Variants in INPP5D observed in about 807,000 individuals in gnomAD.
INPP5D encodes the protein inositol polyphosphate-5-phosphatase D, also known as phosphatidylinositol 3,4,5-trisphosphate 5-phosphatase 1.
In INPP5D, 33 loss-of-function variants were observed where a neutral mutation model predicts 122.9. The observed-to-expected ratio is 0.27, with a 90% CI of 0.20 to 0.36. The LOEUF (loss-of-function observed/expected upper bound fraction) is 0.36. Ranked by LOEUF, INPP5D falls within the 10% of genes least tolerant of loss-of-function variation. INPP5D has a pLI of 1.00. For synonymous variants in INPP5D, 584 were observed against 576.2 expected, an observed-to-expected ratio of 1.01 and a Z score of -0.19; for missense variants, 1,053 against 1,412.7, an observed-to-expected ratio of 0.75 and a Z score of 4.08.
intron 4 of INPP5D, among the ~76,000 whole-genome samples, chr2:233,126,937 C>A (rs78446823): frequency 0.025 from 3,822 of 151,812 alleles, 150 homozygotes; most frequent in East Asian, 0.18. Flanking sequence ...AAAAAAATTC[C>A]ACATCGAGCC....
chr2:233,143,440 C>T (rs1335153268), intron 6 of INPP5D, among the ~76,000 whole-genome samples: 11 of 152,132 alleles, frequency 7.2e-5, no homozygotes, highest in Admixed American at 7.2e-4. Context: ...AAGGAGGAGG[C>T]TTGAATCTGT....
intron 2 of INPP5D, among the ~76,000 whole-genome samples, chr2:233,083,162 G>C (rs1691735531): frequency 2.0e-5 from 3 of 152,248 alleles, no homozygotes; most frequent in Admixed American, 6.5e-5. Flanking sequence ...GGACTGCCAA[G>C]AAACTGCTGG....
intron 2 of INPP5D, among the ~76,000 whole-genome samples, chr2:233,092,867 C>G (rs1390007342): frequency 6.6e-6 from 1 of 152,162 alleles, no homozygotes; most frequent in Non-Finnish European, 1.5e-5. Context: ...TGCTCCCACC[C>G]CAGCCCCCAG....
chr2:233,123,750 A>G (rs1313835060), intron 3 of INPP5D, among the ~76,000 whole-genome samples: 3 of 152,258 alleles, frequency 2.0e-5, no homozygotes, highest in Non-Finnish European at 2.9e-5. Context: ...GATAAAGAAA[A>G]TGTTGTATAT....
chr2:233,147,962 T>A (rs1024357068), intron 9 of INPP5D, among the ~76,000 whole-genome samples: 1 of 152,240 alleles, frequency 6.6e-6, no homozygotes, highest in African/African-American at 2.4e-5. Context: ...TCATGACCTC[T>A]CTAGCCCTCA....
intron 18 of INPP5D, among the ~76,000 whole-genome samples, chr2:233,180,713 A>G (rs528107914): frequency 1.3e-5 from 2 of 151,864 alleles, no homozygotes; most frequent in African/African-American, 4.8e-5. Context: ...TAATTTTTGT[A>G]TTTTTAGTAG....
At chr2:233,118,047 C>T (rs1692854492) in intron 2 of INPP5D, among the ~76,000 whole-genome samples, 1 of 152,190 alleles carries the variant, frequency 6.6e-6, no homozygotes, top group Non-Finnish European at 1.5e-5. Context: ...ACTGTGGGCA[C>T]ACAGCTGGGT....
chr2:233,088,534 T>TTCTCTCAAGCTTCTGTTTCC (rs1691911163), intron 2 of INPP5D, among the ~76,000 whole-genome samples: 1 of 152,258 alleles, frequency 6.6e-6, no homozygotes, highest in Admixed American at 6.5e-5. Context: ...AAGCAGTTTC[T>TTCTCTCAAGCTTCTGTTTCC]TCTCTCAAGC....
At chr2:233,075,719 T>A (rs958499559) in intron 1 of INPP5D, among the ~76,000 whole-genome samples, 9 of 152,044 alleles carry the variant, frequency 5.9e-5, no homozygotes, top group African/African-American at 1.7e-4. Flanking sequence ...TGGAATACAG[T>A]TTGGTACTAC....
At chr2:233,102,672 C>A (rs1020242026) in intron 2 of INPP5D, among the ~76,000 whole-genome samples, 4 of 152,032 alleles carry the variant, frequency 2.6e-5, no homozygotes, top group Admixed American at 1.3e-4. Context: ...CACAGTGAAA[C>A]CCCGTCTCTA....
intron 9 of INPP5D, among the ~76,000 whole-genome samples, chr2:233,156,321 C>G (rs921401540): frequency 7.2e-6 from 1 of 138,072 alleles, no homozygotes; most frequent in Non-Finnish European, 1.5e-5. Context: ...GATGGAGTCT[C>G]ACTCTGTCGC....
intron 2 of INPP5D, among the ~76,000 whole-genome samples, chr2:233,112,144 T>G (rs1008687405): frequency 3.3e-5 from 5 of 152,154 alleles, no homozygotes; most frequent in African/African-American, 4.8e-5. Flanking sequence ...TATTGACGAT[T>G]CTTGCCTGAA....
chr2:233,098,936 T>TTTTTTTTATTTATTTATTTATTTA (rs140094850), intron 2 of INPP5D, among the ~76,000 whole-genome samples: 6 of 145,986 alleles, frequency 4.1e-5, no homozygotes, highest in African/African-American at 1.3e-4. Context: ...GGAACTTTAT[T>TTTTTTTTATTTATTTATTTATTTA]TTTATTTATT....
At chr2:233,067,098 G>A (rs752671494) in intron 1 of INPP5D, among the ~76,000 whole-genome samples, 13 of 152,138 alleles carry the variant, frequency 8.5e-5, no homozygotes, top group South Asian at 2.1e-4. Context: ...ATTCTTTATC[G>A]TGCTTTTAGT....
chr2:233,153,988 T>C (rs925185936), intron 9 of INPP5D, among the ~76,000 whole-genome samples: 2 of 152,144 alleles, frequency 1.3e-5, no homozygotes, highest in Admixed American at 6.5e-5. Context: ...CATCACGCAG[T>C]TTCCCCAGGA....
At chr2:233,147,201 G>A (rs554869021) in intron 8 of INPP5D, among the ~76,000 whole-genome samples, 1 of 152,296 alleles carries the variant, frequency 6.6e-6, no homozygotes, top group East Asian at 1.9e-4. Context: ...ACCATTTCCA[G>A]CAATTCGTCT....
intron 9 of INPP5D, among the ~76,000 whole-genome samples, chr2:233,150,796 A>AG (rs1693902381): frequency 1.3e-5 from 2 of 152,244 alleles, no homozygotes; most frequent in South Asian, 4.1e-4. Flanking sequence ...GTCCCGAGGG[A>AG]GGACTGGTTA....
intron 8 of INPP5D, among the ~76,000 whole-genome samples, 163 bp downstream of exon 8, chr2:233,146,601 C>T (rs1206471689): frequency 6.6e-5 from 10 of 152,212 alleles, no homozygotes; most frequent in African/African-American, 2.4e-4. Context: ...GCTGTGATGG[C>T]GGTTCAACGT....
At chr2:233,088,175 T>A (rs1186970409) in intron 2 of INPP5D, among the ~76,000 whole-genome samples, 3 of 151,912 alleles carry the variant, frequency 2.0e-5, no homozygotes, top group Non-Finnish European at 4.4e-5. Context: ...CGGAGTTTCA[T>A]CATGTTGGCC....
Sources: gnomAD v4.1 joint callset for allele counts (sites outside exome capture counted in the v4.1 genomes callset) on GRCh38, gnomAD v4.1.1 for gene constraint, MANE v1.5 for transcripts, NCBI Gene and HGNC (gene_info 2026-07-23, HGNC 2026-07-21) for gene names.